Variants in SGCG observed in about 807,000 individuals in gnomAD.
The protein encoded by SGCG is gamma-sarcoglycan.
SGCG carries 26 observed loss-of-function variants against 29.3 expected under a neutral mutation model. The observed-to-expected ratio is 0.89, with a 90% CI of 0.65 to 1.23. SGCG has a LOEUF of 1.23. Ranked by LOEUF, SGCG falls within the 50% of genes most tolerant of loss-of-function variation. The probability of loss-of-function intolerance (pLI) is 0.00; values close to 1 mark genes in which losing one functional copy is unlikely to be tolerated. For missense variants in SGCG, 353 were observed against 356.0 expected (o/e 0.99, Z 0.07); for synonymous variants, 145 against 129.7 (o/e 1.12, Z -0.80).
At chr13:23,236,018 A>G (rs1879294439) in intron 3 of SGCG, among the ~76,000 whole-genome samples, 1 of 152,224 alleles carries the variant, frequency 6.6e-6, no homozygotes, top group Non-Finnish European at 1.5e-5. Flanking sequence ...AAGTAGTTTT[A>G]GGTGCTGTTA....
intron 5 of SGCG, among the ~76,000 whole-genome samples, chr13:23,284,019 T>C (rs1164799113): frequency 2.0e-5 from 3 of 152,214 alleles, no homozygotes; most frequent in African/African-American, 4.8e-5. Flanking sequence ...CCGACCTTTC[T>C]CTCTGGCTGC....
intron 2 of SGCG, among the ~76,000 whole-genome samples, chr13:23,233,466 A>G (rs991818142): frequency 2.6e-5 from 4 of 152,206 alleles, no homozygotes. Flanking sequence ...TGTCTCAATT[A>G]CATATTAAAA....
intron 3 of SGCG, among the ~76,000 whole-genome samples, chr13:23,236,582 G>A (rs1593189678): frequency 1.3e-5 from 2 of 152,114 alleles, no homozygotes; most frequent in South Asian, 4.2e-4. Context: ...GGAGGCTGAG[G>A]CAGGAGAATG....
chr13:23,184,645 T>A (rs930206660), intron 1 of SGCG, among the ~76,000 whole-genome samples: 1 of 152,202 alleles, frequency 6.6e-6, no homozygotes, highest in Non-Finnish European at 1.5e-5. Context: ...AATGAACTGG[T>A]TTCTGGATGG....
chr13:23,271,364 T>A (rs1241869878), intron 4 of SGCG, among the ~76,000 whole-genome samples: 1 of 152,112 alleles, frequency 6.6e-6, no homozygotes, highest in East Asian at 1.9e-4. Flanking sequence ...GGAAGAAGAA[T>A]AATTGTCTTA....
At position 23,203,720 on chromosome 13, in the gene SGCG, C is replaced by T. The variant is rs773575178; in HGVS notation, c.26C>T (p.Ala9Val). The T allele has an allele frequency of 7.4e-6, 12 of 1,613,634 alleles. No individual in the cohort carries two copies. The highest frequency in any genetic ancestry group is 1.0e-5 in the Non-Finnish European group (12 of 1,179,672). Residue 9 changes from alanine (A) to valine (V), a missense_variant, in exon 2 of 8, where the codon GCC (alanine) becomes GTC (valine). Coordinates refer to ENST00000218867, the MANE Select transcript of SGCG (RefSeq NM_000231.3). MVREQYTTATEGICIERPE... is the reference protein window; with the variant it reads MVREQYTTVTEGICIERPE... ...ATGGTGCGTGAGCAGTACACTACAGCCACAGAAGGCATCTGCATAGAGAGG... is the reference window on the plus strand; with the variant it reads ...ATGGTGCGTGAGCAGTACACTACAGTCACAGAAGGCATCTGCATAGAGAGG...
chr13:23,294,746 T>G (rs1212407061), intron 5 of SGCG, among the ~76,000 whole-genome samples: 3 of 152,224 alleles, frequency 2.0e-5, no homozygotes, highest in Non-Finnish European at 4.4e-5. Flanking sequence ...GGCACGTTAA[T>G]TAACCTTTCT....
chr13:23,264,550 C>A (rs1380028800), intron 4 of SGCG, among the ~76,000 whole-genome samples: 4 of 152,106 alleles, frequency 2.6e-5, no homozygotes. Flanking sequence ...ATACCAGCAT[C>A]ATTCTTACAG....
At chr13:23,297,498 G>A (rs1361760121) in intron 6 of SGCG, among the ~76,000 whole-genome samples, 1 of 152,208 alleles carries the variant, frequency 6.6e-6, no homozygotes, top group Non-Finnish European at 1.5e-5. Context: ...GAAACAAAGG[G>A]ATAGGCTGAA....
chr13:23,205,345 A>C (rs1268379653), intron 2 of SGCG, among the ~76,000 whole-genome samples: 6 of 152,114 alleles, frequency 3.9e-5, no homozygotes, highest in African/African-American at 1.2e-4. Flanking sequence ...TCAAATTATA[A>C]ACTATGGGAT....
chr13:23,230,050 C>A (rs949865373), intron 2 of SGCG, among the ~76,000 whole-genome samples: 1 of 152,118 alleles, frequency 6.6e-6, no homozygotes. Flanking sequence ...GTTATTTCCC[C>A]TTTGCTTGTT....
intron 3 of SGCG, 53 bp downstream of exon 3, chr13:23,234,765 T>G: frequency 1.6e-6 from 2 of 1,252,718 alleles, no homozygotes; most frequent in South Asian, 2.4e-5. Flanking sequence ...TAAATCATGT[T>G]TAAGCACAAA....
chr13:23,168,408 C>T, the SGCG span, among the ~76,000 whole-genome samples: 1 of 152,128 alleles, frequency 6.6e-6, no homozygotes, highest in African/African-American at 2.4e-5. Context: ...AACAAGAGAC[C>T]TCTTTTGTCC....
At chr13:23,171,457 A>C in the SGCG span, among the ~76,000 whole-genome samples, 2 of 152,190 alleles carry the variant, frequency 1.3e-5, no homozygotes, top group Non-Finnish European at 2.9e-5. Flanking sequence ...TAGAGAACAG[A>C]AGATTTTGAA....
intron 1 of SGCG, among the ~76,000 whole-genome samples, chr13:23,184,253 G>A (rs988845324): frequency 6.6e-6 from 1 of 152,150 alleles, no homozygotes; most frequent in African/African-American, 2.4e-5. Context: ...TAGAAGCACA[G>A]TATAGTTGAT....
At chr13:23,276,413 G>A (rs1290874270) in intron 4 of SGCG, among the ~76,000 whole-genome samples, 19 of 128,442 alleles carry the variant, frequency 1.5e-4, no homozygotes, top group Admixed American at 3.1e-4. Flanking sequence ...AAGCATGAAC[G>A]CTTTCTTTTT....
chr13:23,200,900 CAGG>C lies in SGCG; in HGVS notation c.1-2789_1-2787del, dbSNP rs1256990080. Among the ~76,000 whole-genome samples, 3 of 152,178 alleles carry C rather than the reference CAGG, an allele frequency of 2.0e-5. No individual in the cohort carries two copies. In the East Asian group the frequency reaches 5.8e-4, roughly 29 times the overall value. On this transcript the variant is annotated intron_variant, in intron 1 of 7. Coordinates refer to ENST00000218867, the MANE Select transcript of SGCG (RefSeq NM_000231.3). ...CCGAGTAAGACCACTGTTCCTGGAG[CAGG>C]AGGAGTCAGGGCGAGAGGGACTGGA...
intron 7 of SGCG, among the ~76,000 whole-genome samples, chr13:23,323,553 T>C (rs566657253): frequency 1.8e-4 from 28 of 152,358 alleles, no homozygotes; most frequent in African/African-American, 6.3e-4. Context: ...GGGCAACGTT[T>C]GGCTGCTGGA....
At chr13:23,212,249 C>T (rs1405710586) in intron 2 of SGCG, among the ~76,000 whole-genome samples, 2 of 152,114 alleles carry the variant, frequency 1.3e-5, no homozygotes, top group Admixed American at 6.5e-5. Flanking sequence ...TGTAGCAATG[C>T]GAGAATGGAC....
Sources: gnomAD v4.1 joint callset for allele counts (sites outside exome capture counted in the v4.1 genomes callset) on GRCh38, gnomAD v4.1.1 for gene constraint, MANE v1.5 for transcripts, NCBI Gene and HGNC (gene_info 2026-07-23, HGNC 2026-07-21) for gene names.